The following SND1 variants were observed in gnomAD, a reference collection of about 807,000 sequenced individuals.
The protein encoded by SND1 is staphylococcal nuclease domain-containing protein 1.
In SND1, 38 loss-of-function variants were observed where a neutral mutation model predicts 121.7. The observed-to-expected ratio is 0.31, with a 90% CI of 0.24 to 0.41. The LOEUF (loss-of-function observed/expected upper bound fraction) is 0.41, where lower values mean the gene tolerates loss of function less well. Among genes scored for constraint, SND1 ranks in the 10% least tolerant of loss-of-function variants. The probability of loss-of-function intolerance (pLI) is 1.00; values close to 1 mark genes in which losing one functional copy is unlikely to be tolerated. For synonymous variants in SND1, 401 were observed against 447.4 expected (o/e 0.90, Z 1.31); for missense variants, 868 against 1,184.6 (o/e 0.73, Z 3.92).
chr7:128,007,901 A>G (rs758424299), intron 16 of SND1: 1 of 152,224 alleles, frequency 6.6e-6, no homozygotes, highest in Non-Finnish European at 1.5e-5. Context: ...GTCCAATCCA[A>G]ACATTTCACA....
chr7:128,062,115 T>A lies in SND1; in HGVS notation c.1780-12387T>A, dbSNP rs575284647. On this transcript the variant is annotated intron_variant, in intron 16 of 23. Coordinates refer to ENST00000354725, the MANE Select transcript of SND1 (RefSeq NM_014390.4). Reference sequence around the variant, plus strand: ...GGTGAGAGGAGAAGCTTGGACTTTTTTATTCTGTGTCCGATCTGGAGTGTA... The same window carrying A: ...GGTGAGAGGAGAAGCTTGGACTTTTATATTCTGTGTCCGATCTGGAGTGTA... Among the ~76,000 whole-genome samples the A allele has an allele frequency of 3.3e-5, 5 of 152,386 alleles. No homozygotes were observed. In the East Asian group the frequency reaches 9.6e-4, roughly 29 times the overall value.
chr7:127,779,696 A>G (rs1231885332), intron 10 of SND1, among the ~76,000 whole-genome samples: 2 of 152,222 alleles, frequency 1.3e-5, no homozygotes, highest in African/African-American at 4.8e-5. Context: ...GATTTGACCA[A>G]ATGGCATTGG....
In SND1 at chr7:127,931,031, C is replaced by T. The variant is rs372728812; in HGVS notation, c.1669+1702C>T. Among the ~76,000 whole-genome samples the T allele has an allele frequency of 7.9e-5, 12 of 152,116 alleles. No homozygotes were observed. In the East Asian group the frequency reaches 9.7e-4, roughly 12 times the overall value. On this transcript the variant is annotated intron_variant, in intron 15 of 23. Transcript: ENST00000354725. ...TTTGATGTTATTATTTCAATTGTTTCGGGTCGCCATGAACCACAGTCATAT... is the reference window on the plus strand; with the variant it reads ...TTTGATGTTATTATTTCAATTGTTTTGGGTCGCCATGAACCACAGTCATAT...
chr7:127,881,085 G>A (rs552028357), intron 12 of SND1, among the ~76,000 whole-genome samples: 1 of 152,132 alleles, frequency 6.6e-6, no homozygotes, highest in Admixed American at 6.5e-5. Flanking sequence ...GATTAACCTG[G>A]GAGACTATTG....
intron 12 of SND1, among the ~76,000 whole-genome samples, chr7:127,873,489 G>A (rs564835942): frequency 6.6e-6 from 1 of 152,150 alleles, no homozygotes; most frequent in Non-Finnish European, 1.5e-5. Context: ...AGAAAATCCT[G>A]TTGTATGTCC....
intron 12 of SND1, among the ~76,000 whole-genome samples, chr7:127,858,939 C>T (rs373660209): frequency 2.6e-5 from 4 of 152,118 alleles, no homozygotes; most frequent in East Asian, 3.9e-4. Flanking sequence ...CTGAACAAAA[C>T]GTTGTTTATG....
At chr7:127,851,555 A>G (rs1178727681) in intron 12 of SND1, among the ~76,000 whole-genome samples, 1 of 152,134 alleles carries the variant, frequency 6.6e-6, no homozygotes, top group Non-Finnish European at 1.5e-5. Flanking sequence ...TTGTTTATTT[A>G]TTCATATCAC....
chr7:128,073,560 G>A (rs527243904), intron 16 of SND1, among the ~76,000 whole-genome samples: 17 of 152,228 alleles, frequency 1.1e-4, no homozygotes, highest in Admixed American at 2.0e-4. Flanking sequence ...CTCCAGCTCC[G>A]ACCTCGAGAA....
chr7:128,014,073 A>G (rs932222427), intron 16 of SND1, among the ~76,000 whole-genome samples: 12 of 152,130 alleles, frequency 7.9e-5, no homozygotes, highest in Admixed American at 2.0e-4. Flanking sequence ...GGGTTTCCCT[A>G]TGTTTTTCCA....
chr7:127,803,598 CATTT>C (rs1798176093), intron 10 of SND1, among the ~76,000 whole-genome samples: 1 of 152,154 alleles, frequency 6.6e-6, no homozygotes, highest in South Asian at 2.1e-4. Flanking sequence ...ATTTCTCCCT[CATTT>C]ATAATAATCC....
intron 14 of SND1, among the ~76,000 whole-genome samples, chr7:127,908,755 A>G (rs1800397444): frequency 6.6e-6 from 1 of 152,110 alleles, no homozygotes; most frequent in Non-Finnish European, 1.5e-5. Flanking sequence ...AAATTGGAGT[A>G]TGTGTGTCAG....
intron 10 of SND1, among the ~76,000 whole-genome samples, chr7:127,778,355 G>A (rs115651356): frequency 0.028 from 4,322 of 152,026 alleles, 219 homozygotes; most frequent in African/African-American, 0.098. Flanking sequence ...GTGCCACCAC[G>A]CCCAGCTAAC....
intron 10 of SND1, among the ~76,000 whole-genome samples, chr7:127,733,515 C>G (rs1796717243): frequency 6.6e-6 from 1 of 152,174 alleles, no homozygotes; most frequent in Non-Finnish European, 1.5e-5. Context: ...CCCTTCCCTG[C>G]TAGGGAAATT....
chr7:128,046,083 A>G (rs529797471), intron 16 of SND1, among the ~76,000 whole-genome samples: 1 of 152,258 alleles, frequency 6.6e-6, no homozygotes, highest in Admixed American at 6.5e-5. Flanking sequence ...TGGAGGAGCC[A>G]TGAATTTGGA....
Position 127,997,751 on chromosome 7 carries a change from T to C in SND1, c.1779+6695T>C, listed in dbSNP as rs772710021. On this transcript the variant is annotated intron_variant, in intron 16 of 23. Transcript: ENST00000354725. ...GTGCCTTATCAGAATGGACCTGTTA[T>C]ACTGGCAGTTCACCATATATACCAT... 6 of 534,714 alleles carry C rather than the reference T, an allele frequency of 1.1e-5. No homozygotes were observed. In the African/African-American group the frequency reaches 1.2e-4, roughly 10 times the overall value. 33.1% of individuals were successfully genotyped at this position (534,714 alleles called of 1,614,324 possible). A position where few individuals can be genotyped will look rare whatever the true frequency, so the allele number is the denominator to read the frequency against.
chr7:127,959,273 A>G (rs1801673012), intron 15 of SND1, among the ~76,000 whole-genome samples: 1 of 152,162 alleles, frequency 6.6e-6, no homozygotes. Flanking sequence ...CCCTATCATC[A>G]TGGCTATACC....
intron 15 of SND1, among the ~76,000 whole-genome samples, chr7:127,976,723 G>T (rs1802129042): frequency 6.6e-6 from 1 of 152,188 alleles, no homozygotes; most frequent in African/African-American, 2.4e-5. Context: ...TGAATTCTGG[G>T]CAGTGGTTTG....
chr7:127,840,980 A>AT (rs1479462491), intron 11 of SND1, among the ~76,000 whole-genome samples: 2 of 152,280 alleles, frequency 1.3e-5, no homozygotes, highest in African/African-American at 2.4e-5. Flanking sequence ...GAAGATTAAA[A>AT]TTTTTTTGTC....
chr7:128,004,111 CTG>C (rs1056477816), intron 16 of SND1, among the ~76,000 whole-genome samples: 1 of 150,268 alleles, frequency 6.7e-6, no homozygotes, highest in Non-Finnish European at 1.5e-5. Context: ...GACTGGCTAA[CTG>C]TGATATCAAC....
Sources: allele counts gnomAD v4.1 joint callset (sites outside exome capture counted in the v4.1 genomes callset), GRCh38; gene constraint gnomAD v4.1.1; transcripts MANE v1.5; gene names NCBI Gene and HGNC (gene_info 2026-07-23, HGNC 2026-07-21).